Variants in VPS13B observed in about 807,000 individuals in gnomAD.
The protein encoded by VPS13B is intermembrane lipid transfer protein VPS13B.
In VPS13B, 285 loss-of-function variants were observed where a neutral mutation model predicts 426.4. The ratio of observed to expected loss-of-function variants is 0.67; its 90% CI spans 0.61 to 0.74. The LOEUF (loss-of-function observed/expected upper bound fraction) is 0.74. VPS13B is among the 30% of genes least tolerant of loss of function. The pLI is 0.00. For synonymous variants in VPS13B, 1,676 were observed against 1,676.4 expected (o/e 1.00, Z 0.01); for missense variants, 4,537 against 4,782.6 (o/e 0.95, Z 1.51).
chr8:99,519,978 C>T (rs1002233743), intron 29 of VPS13B, among the ~76,000 whole-genome samples: 2 of 151,986 alleles, frequency 1.3e-5, no homozygotes, highest in African/African-American at 4.8e-5. Context: ...ATGAATGGGG[C>T]CATTAATTTC....
At position 99,156,686 on chromosome 8, in the gene VPS13B, C is replaced by G; in HGVS notation, c.2151C>G (p.Ser717Arg). 6.2e-7 allele frequency: 1 copy of G among 1,613,988 alleles called. No homozygotes were observed. Among genetic ancestry groups the G allele is most frequent in the Non-Finnish European group, 8.5e-7 (1 of 1,179,886 alleles). The change falls in exon 15 of 62, where the codon AGC becomes AGG. Residue 717 changes from serine (S) to arginine (R), a missense_variant. Ser to Arg is a moderately radical substitution (Grantham distance 110). Coordinates refer to ENST00000357162, the MANE Select transcript of VPS13B (RefSeq NM_152564.5). ...AACAGTTGGTGCATGTGGTCAGCAG[C>G]CTTACTCAACCTTCTGATAACCTGC... The part of the protein sequence containing the change: ...YAEQLVHVVS[S>R]LTQPSDNLLH...
intron 15 of VPS13B, among the ~76,000 whole-genome samples, chr8:99,161,501 C>T (rs1382702604): frequency 6.6e-6 from 1 of 152,132 alleles, no homozygotes; most frequent in African/African-American, 2.4e-5. Context: ...TGTTAAAACT[C>T]ACATTTCCAG....
chr8:99,699,506 C>A lies in VPS13B; in HGVS notation c.6047-19C>A. ...GTAAGAAAGCTTCAATAATTGTTTT[C>A]TCTTTTTTACTTCTATAGCGGATGT... On this transcript the variant is annotated intron_variant, in intron 35 of 61. Transcript: ENST00000357162. 6.8e-6 allele frequency: 11 copies of A among 1,611,736 alleles called. No homozygotes were observed. The highest frequency in any genetic ancestry group is 9.3e-6 in the Non-Finnish European group (11 of 1,179,608).
At chr8:99,118,697 A>G (rs1847795443) in intron 7 of VPS13B, among the ~76,000 whole-genome samples, 1 of 152,202 alleles carries the variant, frequency 6.6e-6, no homozygotes, top group South Asian at 2.1e-4. Context: ...GTATTTATCT[A>G]TGTTGTTGCA....
intron 19 of VPS13B, among the ~76,000 whole-genome samples, chr8:99,299,782 C>T (rs550303599): frequency 6.6e-6 from 1 of 152,062 alleles, no homozygotes; most frequent in East Asian, 1.9e-4. Context: ...TGGTGGTGGG[C>T]CTCTGTAATT....
At position 99,318,858 on chromosome 8, in the gene VPS13B, G is replaced by A. The variant is rs372019437; in HGVS notation, c.2824+43604G>A. ...TTTATGAGAGAAGGGTCTTATTACT[G>A]AGATTGTTCAGGTGTGTTATTTTAA... is the stretch of plus-strand genomic sequence containing the variant. On this transcript the variant is annotated intron_variant, in intron 19 of 61. Transcript: ENST00000357162. Among the ~76,000 whole-genome samples the A allele has an allele frequency of 6.6e-5, 10 of 152,182 alleles. No individual in the cohort carries two copies. The East Asian group carries it at 9.7e-4, about 15-fold the overall frequency.
At chr8:99,807,873 T>TAAAAAA (rs35638213) in intron 43 of VPS13B, among the ~76,000 whole-genome samples, 4 of 118,048 alleles carry the variant, frequency 3.4e-5, no homozygotes, top group Admixed American at 8.8e-5. Context: ...TATTCAGATT[T>TAAAAAA]AAAAAAAAAA....
intron 19 of VPS13B, among the ~76,000 whole-genome samples, chr8:99,335,931 C>T (rs995081974): frequency 4.3e-4 from 66 of 152,236 alleles, no homozygotes; most frequent in African/African-American, 1.5e-3. Context: ...TGAAAATGGC[C>T]GTACTGCCCA....
At chr8:99,326,007 T>C (rs1326938502) in intron 19 of VPS13B, among the ~76,000 whole-genome samples, 1 of 152,200 alleles carries the variant, frequency 6.6e-6, no homozygotes, top group African/African-American at 2.4e-5. Flanking sequence ...TGTACCTTAA[T>C]GATTGGTTTA....
At chr8:99,798,431 T>C (rs1162807900) in intron 43 of VPS13B, among the ~76,000 whole-genome samples, 2 of 152,116 alleles carry the variant, frequency 1.3e-5, no homozygotes, top group African/African-American at 2.4e-5. Flanking sequence ...AGGCAGAAGT[T>C]TAGGGTTGAG....
At chr8:99,036,589 T>C (rs368378517) in intron 2 of VPS13B, among the ~76,000 whole-genome samples, 2 of 152,280 alleles carry the variant, frequency 1.3e-5, no homozygotes, top group East Asian at 1.9e-4. Flanking sequence ...CAAAATTCCA[T>C]GTTCTAATCC....
intron 34 of VPS13B, among the ~76,000 whole-genome samples, chr8:99,650,961 G>A (rs1829792461): frequency 1.3e-5 from 2 of 151,940 alleles, no homozygotes; most frequent in Non-Finnish European, 2.9e-5. Context: ...CACTTATATT[G>A]TATTAGGTAT....
intron 17 of VPS13B, among the ~76,000 whole-genome samples, chr8:99,236,801 T>C (rs1563618965): frequency 6.6e-6 from 1 of 152,214 alleles, no homozygotes; most frequent in East Asian, 1.9e-4. Context: ...GCTCACGTGA[T>C]GTGTATAGTG....
At chr8:99,247,945 A>C (rs898841178) in intron 17 of VPS13B, among the ~76,000 whole-genome samples, 1 of 152,186 alleles carries the variant, frequency 6.6e-6, no homozygotes, top group Non-Finnish European at 1.5e-5. Flanking sequence ...TATATTCCAC[A>C]AGGGAGGAAA....
At chr8:99,536,806 A>C (rs748351737) in intron 30 of VPS13B, 6 of 522,386 alleles carry the variant, frequency 1.1e-5, no homozygotes, top group Non-Finnish European at 4.0e-6. Context: ...ACACAACCTC[A>C]GTGTTTCCAG....
chr8:99,562,016 C>A (rs1302026336), intron 31 of VPS13B, among the ~76,000 whole-genome samples: 1 of 152,128 alleles, frequency 6.6e-6, no homozygotes, highest in Non-Finnish European at 1.5e-5. Flanking sequence ...AATGGCTGAA[C>A]CATTTTGTAT....
chr8:99,190,861 A>C (rs1212419438), intron 16 of VPS13B, among the ~76,000 whole-genome samples: 1 of 151,808 alleles, frequency 6.6e-6, no homozygotes, highest in Non-Finnish European at 1.5e-5. Flanking sequence ...TCACCCATAT[A>C]TTTACCATTC....
intron 21 of VPS13B, among the ~76,000 whole-genome samples, chr8:99,404,937 G>T (rs941247248): frequency 1.3e-5 from 2 of 152,146 alleles, no homozygotes; most frequent in African/African-American, 4.8e-5. Context: ...TTTGATGTTT[G>T]AATTTTAAAG....
intron 42 of VPS13B, among the ~76,000 whole-genome samples, chr8:99,780,340 T>C (rs1352747025): frequency 6.6e-6 from 1 of 152,196 alleles, no homozygotes; most frequent in Non-Finnish European, 1.5e-5. Context: ...TATTTTTGTC[T>C]TGGTATCAGA....
Sources: gnomAD v4.1 joint callset for allele counts (sites outside exome capture counted in the v4.1 genomes callset) on GRCh38, gnomAD v4.1.1 for gene constraint, MANE v1.5 for transcripts, NCBI Gene and HGNC (gene_info 2026-07-23, HGNC 2026-07-21) for gene names.